The following GRPR variants were observed in gnomAD, a reference collection of about 807,000 sequenced individuals.
The protein encoded by GRPR is gastrin releasing peptide receptor.
A neutral mutation model predicts 15.6 loss-of-function variants in GRPR; 4 were observed. The ratio of observed to expected loss-of-function variants is 0.26; its 90% CI spans 0.13 to 0.59. The LOEUF is 0.59. GRPR is among the 20% of genes least tolerant of loss of function. The pLI is 0.90. For missense variants in GRPR, 270 were observed against 304.1 expected (o/e 0.89, Z 0.83); for synonymous variants, 128 against 126.8 (o/e 1.01, Z -0.06).
intron 1 of GRPR, among the ~76,000 whole-genome samples, chrX:16,147,115 T>C (rs981313632): frequency 8.9e-6 from 1 of 111,932 alleles, no homozygotes; most frequent in Non-Finnish European, 1.9e-5. Context: ...TTGTTTGCAA[T>C]GCATTTTAAC....
At chrX:16,141,507 C>T (rs988046205) in intron 1 of GRPR, among the ~76,000 whole-genome samples, 5 of 112,147 alleles carry the variant, frequency 4.5e-5, no homozygotes, top group African/African-American at 1.3e-4. Flanking sequence ...AAGTCTCACT[C>T]AGATGACCAC....
intron 1 of GRPR, among the ~76,000 whole-genome samples, chrX:16,145,538 G>A (rs1288260822): frequency 8.9e-6 from 1 of 111,900 alleles, no homozygotes; most frequent in African/African-American, 3.2e-5. Context: ...TGGTTAATGG[G>A]TACAAAAACT....
intron 1 of GRPR, among the ~76,000 whole-genome samples, chrX:16,140,247 C>T (rs909230331): frequency 5.4e-5 from 6 of 111,752 alleles, no homozygotes; most frequent in Admixed American, 4.7e-4. Flanking sequence ...GACACAGTGA[C>T]TCATATGCCA....
At position 16,150,525 on chromosome X, in the gene GRPR, A is replaced by T. The variant is rs781509886; in HGVS notation, c.634A>T (p.Met212Leu). ...SNELHPKIHS[M>L]ASFLVFYVIP... ...TGAGCTTCACCCCAAAATCCATTCT[A>T]TGGCTTCCTTTCTGGTCTTCTACGT... is the stretch of plus-strand genomic sequence containing the variant. Residue 212 changes from methionine (M) to leucine (L), a missense_variant, in exon 2 of 3, where the codon ATG (methionine) becomes TTG (leucine). Coordinates refer to ENST00000380289, the MANE Select transcript of GRPR (RefSeq NM_005314.3). The T allele has an allele frequency of 8.4e-7, 1 of 1,196,403 alleles. No individual in the cohort carries two copies. Among genetic ancestry groups the T allele is most frequent in the African/African-American group, 1.8e-5 (1 of 56,679 alleles).
chrX:16,132,455 A>G (rs1457261529), intron 1 of GRPR, among the ~76,000 whole-genome samples: 1 of 112,098 alleles, frequency 8.9e-6, no homozygotes, highest in Non-Finnish European at 1.9e-5. Flanking sequence ...AATTTCACCA[A>G]CATCATAAAA....
intron 1 of GRPR, among the ~76,000 whole-genome samples, chrX:16,146,267 T>G (rs1454751857): frequency 9.0e-6 from 1 of 111,697 alleles, no homozygotes; most frequent in African/African-American, 3.3e-5. Context: ...CAGAAGCCAC[T>G]CAAACTAACT....
intron 2 of GRPR, 151 bp downstream of exon 2, chrX:16,150,807 G>C: frequency 2.0e-6 from 1 of 491,681 alleles, no homozygotes; most frequent in Admixed American, 2.8e-5. Flanking sequence ...CCTAGCCATG[G>C]AAACCCAAGG....
rs1376684510 is a variant in GRPR at position 16,123,886 on chromosome X, C to T, written c.-68C>T. 9 of 890,044 alleles carry T rather than the reference C, an allele frequency of 1.0e-5. No homozygotes were observed. Among genetic ancestry groups the T allele is most frequent in the Non-Finnish European group, 1.5e-5 (9 of 611,914 alleles). 73.3% of individuals were successfully genotyped at this position (890,044 alleles called of 1,213,427 possible). ...CATAGATCTTATCTTCATCTTCACTCGGTTGCAAAATCAATAGTTAAGAAA... is the reference window on the plus strand; with the variant it reads ...CATAGATCTTATCTTCATCTTCACTTGGTTGCAAAATCAATAGTTAAGAAA... On this transcript the variant is annotated 5_prime_UTR_variant, in exon 1 of 3. Coordinates refer to ENST00000380289, the MANE Select transcript of GRPR (RefSeq NM_005314.3).
At chrX:16,150,230 G>T in intron 1 of GRPR, 75 bp from the exon 2 acceptor site, 2 of 729,042 alleles carry the variant, frequency 2.7e-6, no homozygotes, top group South Asian at 4.2e-5. Flanking sequence ...TGTCTCGCTT[G>T]CCTCAACTTA....
At chrX:16,148,115 G>A (rs1922634286) in intron 1 of GRPR, among the ~76,000 whole-genome samples, 1 of 111,586 alleles carries the variant, frequency 9.0e-6, no homozygotes, top group African/African-American at 3.3e-5. Flanking sequence ...CTGTAGTATT[G>A]TTCTGGAATT....
chrX:16,149,001 A>G (rs1308086421), intron 1 of GRPR, among the ~76,000 whole-genome samples: 1 of 112,086 alleles, frequency 8.9e-6, no homozygotes, highest in East Asian at 2.8e-4. Flanking sequence ...GTTCCTGCCC[A>G]GTGACTGAGC....
intron 1 of GRPR, among the ~76,000 whole-genome samples, chrX:16,145,771 T>C (rs1247332219): frequency 9.0e-6 from 1 of 111,023 alleles, no homozygotes; most frequent in Non-Finnish European, 1.9e-5. Flanking sequence ...CCCATAAATA[T>C]ATATACCTGC....
rs1922753645 is a variant in GRPR at position 16,153,488 on chromosome X, TATTA to T, written c.*850_*853del. On this transcript the variant is annotated 3_prime_UTR_variant, in exon 3 of 3. Transcript: ENST00000380289. ...CCTTTTAGGAAAAAAAAAATCATGC[TATTA>T]ATTAATCAAATATCTATAAATGCAT... The T allele has an allele frequency of 2.7e-5, 3 of 111,527 alleles. No individual in the cohort carries two copies. Among genetic ancestry groups the T allele is most frequent in the African/African-American group, 9.8e-5 (3 of 30,466 alleles). The allele number at this position is 111,527 out of a possible 1,213,427, so 9.2% of individuals were successfully genotyped here. A position where few individuals can be genotyped will look rare whatever the true frequency, so the allele number is the denominator to read the frequency against.
At position 16,150,346 on chromosome X, in the gene GRPR, A is replaced by G. The variant is rs751847103; in HGVS notation, c.455A>G (p.His152Arg). ...CGGCCAATGGATATCCAGGCCTCTCATGCCCTGATGAAGATCTGCCTCAAA... is the reference window on the plus strand; with the variant it reads ...CGGCCAATGGATATCCAGGCCTCTCGTGCCCTGATGAAGATCTGCCTCAAA... Reference protein sequence around the residue: ...IVRPMDIQASHALMKICLKAA... With the variant: ...IVRPMDIQASRALMKICLKAA... The change falls in exon 2 of 3, where the codon CAT (histidine) becomes CGT (arginine). Residue 152 changes from histidine (H) to arginine (R), a missense_variant. By Grantham distance (29) the His-to-Arg change is conservative. Around this residue, in one of 3 missense-constraint regions of GRPR, gnomAD observed 115 missense variants for 128.8 expected, o/e 0.89. Coordinates refer to ENST00000380289, the MANE Select transcript of GRPR (RefSeq NM_005314.3). The G allele has an allele frequency of 6.6e-6, 8 of 1,207,327 alleles. No homozygotes were observed. The highest frequency in any genetic ancestry group is 7.9e-6 in the Non-Finnish European group (7 of 891,612).
intron 1 of GRPR, among the ~76,000 whole-genome samples, chrX:16,134,653 C>CCT (rs918135462): frequency 9.0e-6 from 1 of 110,950 alleles, no homozygotes; most frequent in Non-Finnish European, 1.9e-5. Flanking sequence ...CAACTAAAAG[C>CCT]CTGAGGTGTT....
At chrX:16,128,379 G>A (rs1176038267) in intron 1 of GRPR, among the ~76,000 whole-genome samples, 1 of 110,893 alleles carries the variant, frequency 9.0e-6, no homozygotes, top group African/African-American at 3.3e-5. Context: ...GCCGGGTGTG[G>A]TGGCAGGAGC....
chrX:16,151,943 G>GTT (rs1922712203), intron 2 of GRPR, among the ~76,000 whole-genome samples: 1 of 111,661 alleles, frequency 9.0e-6, no homozygotes, highest in Non-Finnish European at 1.9e-5. Flanking sequence ...AATCAACTTT[G>GTT]TTTAAAGATC....
intron 1 of GRPR, among the ~76,000 whole-genome samples, chrX:16,145,689 G>T (rs1020449751): frequency 8.9e-6 from 1 of 112,082 alleles, no homozygotes; most frequent in Admixed American, 9.4e-5. Context: ...AAATGCTTGA[G>T]GGGATGGATA....
chrX:16,147,899 C>A (rs749256486), intron 1 of GRPR, among the ~76,000 whole-genome samples: 32 of 111,856 alleles, frequency 2.9e-4, no homozygotes, highest in Non-Finnish European at 5.8e-4. Flanking sequence ...TTAGCGATAT[C>A]TTTAGCCATA....
Sources: allele counts gnomAD v4.1 joint callset (sites outside exome capture counted in the v4.1 genomes callset), GRCh38; gene constraint gnomAD v4.1.1; regional missense constraint gnomAD v4.1.1; transcripts MANE v1.5; gene names NCBI Gene and HGNC (gene_info 2026-07-23, HGNC 2026-07-21).